The following RBFOX1 variants were observed in gnomAD, a reference collection of about 807,000 sequenced individuals.
The protein encoded by RBFOX1 is RNA binding fox-1 homolog 1.
Under a neutral mutation model 57.7 loss-of-function variants are expected in RBFOX1, and 8 were observed. The observed-to-expected ratio is 0.14, with a 90% confidence interval of 0.08 to 0.25. The LOEUF (loss-of-function observed/expected upper bound fraction) is 0.25. RBFOX1 is among the 10% of genes least tolerant of loss of function. The probability of loss-of-function intolerance (pLI) is 1.00; values close to 1 mark genes in which losing one functional copy is unlikely to be tolerated. For synonymous variants in RBFOX1, 326 were observed against 222.4 expected, an observed-to-expected ratio of 1.47 and a Z score of -4.15; for missense variants, 611 against 548.5, an observed-to-expected ratio of 1.11 and a Z score of -1.14.
At chr16:5,539,704 C>G (rs909190835) in intron 2 of RBFOX1, among the ~76,000 whole-genome samples, 2 of 152,130 alleles carry the variant, frequency 1.3e-5, no homozygotes, top group Non-Finnish European at 2.9e-5. Context: ...AGAATTTTTT[C>G]CCGTTTTTCA....
chr16:6,337,368 ACCGC>A (rs1411115329), intron 2 of RBFOX1, among the ~76,000 whole-genome samples: 1 of 152,158 alleles, frequency 6.6e-6, no homozygotes, highest in African/African-American at 2.4e-5. Context: ...AATTTGAATC[ACCGC>A]CATCAACCTG....
intron 2 of RBFOX1, among the ~76,000 whole-genome samples, chr16:6,573,018 G>C (rs1233749118): frequency 1.3e-5 from 2 of 152,124 alleles, no homozygotes; most frequent in Non-Finnish European, 2.9e-5. Context: ...ACTCTATTAA[G>C]AGATCAAGTC....
At chr16:7,022,512 G>T (rs1035251218) in intron 3 of RBFOX1, among the ~76,000 whole-genome samples, 2 of 152,050 alleles carry the variant, frequency 1.3e-5, no homozygotes, top group African/African-American at 4.8e-5. Context: ...TTATACTCCA[G>T]ATTCCCTGTG....
chr16:7,552,048 C>T (rs186184588), intron 5 of RBFOX1, among the ~76,000 whole-genome samples: 2 of 152,304 alleles, frequency 1.3e-5, no homozygotes, highest in African/African-American at 4.8e-5. Flanking sequence ...CCCCTCCCCA[C>T]AATTGTATAA....
At chr16:6,767,926 T>TAAG (rs1266863896) in intron 3 of RBFOX1, among the ~76,000 whole-genome samples, 142 of 76,398 alleles carry the variant, frequency 1.9e-3, no homozygotes, top group African/African-American at 8.6e-3. Flanking sequence ...ATAATAATAA[T>TAAG]AATAATAATA....
chr16:6,246,397 C>A (rs928898152), intron 1 of RBFOX1, among the ~76,000 whole-genome samples: 1 of 152,156 alleles, frequency 6.6e-6, no homozygotes, highest in Non-Finnish European at 1.5e-5. Context: ...ATCATGATCT[C>A]CCCTTTCCCC....
chr16:7,023,854 T>G (rs2153679306), intron 3 of RBFOX1, among the ~76,000 whole-genome samples: 1 of 152,248 alleles, frequency 6.6e-6, no homozygotes, highest in African/African-American at 2.4e-5. Flanking sequence ...TTATTCATCA[T>G]CCCTATATAT....
intron 1 of RBFOX1, among the ~76,000 whole-genome samples, chr16:6,153,017 G>A (rs182524640): frequency 1.4e-4 from 21 of 150,242 alleles, no homozygotes; most frequent in Admixed American, 1.1e-3. Flanking sequence ...TCTTAAAAGG[G>A]GCATAGTTAT....
At chr16:5,768,522 C>G in intron 3 of RBFOX1, among the ~76,000 whole-genome samples, 1 of 152,172 alleles carries the variant, frequency 6.6e-6, no homozygotes, top group East Asian at 1.9e-4. Context: ...ATGCAGAATA[C>G]CATTTTTCCA....
At chr16:6,906,920 C>T (rs1029124188) in intron 3 of RBFOX1, among the ~76,000 whole-genome samples, 12 of 152,068 alleles carry the variant, frequency 7.9e-5, no homozygotes, top group African/African-American at 2.2e-4. Flanking sequence ...GATGGGGTTT[C>T]ACCATGTTGG....
intron 11 of RBFOX1, among the ~76,000 whole-genome samples, chr16:7,648,378 C>T (rs2064194084): frequency 6.6e-6 from 1 of 152,060 alleles, no homozygotes; most frequent in Non-Finnish European, 1.5e-5. Context: ...ATGCATACCA[C>T]CACACCCAGC....
intron 1 of RBFOX1, among the ~76,000 whole-genome samples, chr16:6,285,968 C>T (rs150401376): frequency 1.1e-4 from 16 of 152,206 alleles, no homozygotes; most frequent in African/African-American, 3.1e-4. Context: ...GTCGGCGGAG[C>T]GTTATTTAGT....
intron 4 of RBFOX1, among the ~76,000 whole-genome samples, chr16:7,436,351 A>G (rs1413694459): frequency 2.0e-5 from 3 of 152,168 alleles, no homozygotes; most frequent in Non-Finnish European, 2.9e-5. Flanking sequence ...AACTTGGACA[A>G]ACGTGTTTGA....
intron 2 of RBFOX1, among the ~76,000 whole-genome samples, chr16:6,554,839 C>G (rs1025464196): frequency 1.3e-5 from 2 of 149,866 alleles, no homozygotes; most frequent in African/African-American, 5.1e-5. Context: ...CACAGACTCT[C>G]CCTCTCACTC....
intron 1 of RBFOX1, among the ~76,000 whole-genome samples, chr16:6,034,052 T>TGGCCAGGCGCGGTGG (rs2095327993): frequency 6.6e-6 from 1 of 152,004 alleles, no homozygotes; most frequent in Non-Finnish European, 1.5e-5. Context: ...TAGGAATCGT[T>TGGCCAGGCGCGGTGG]GGCCAGGCGC....
chr16:5,540,765 T>A (rs553774486), intron 2 of RBFOX1, among the ~76,000 whole-genome samples: 3 of 152,322 alleles, frequency 2.0e-5, no homozygotes, highest in South Asian at 2.1e-4. Flanking sequence ...ACTAGCAGCG[T>A]CAGAATCACC....
chr16:5,314,469 G>T (rs937024562), intron 1 of RBFOX1, among the ~76,000 whole-genome samples: 2 of 152,190 alleles, frequency 1.3e-5, no homozygotes, highest in Non-Finnish European at 2.9e-5. Flanking sequence ...CAGGCACAGT[G>T]ACTCATGAAA....
At chr16:6,787,589 C>A (rs972516378) in intron 3 of RBFOX1, among the ~76,000 whole-genome samples, 1 of 152,080 alleles carries the variant, frequency 6.6e-6, no homozygotes, top group East Asian at 1.9e-4. Flanking sequence ...CTGTGACACC[C>A]TTCACAGTCT....
At chr16:5,630,479 G>A (rs2048472495) in intron 3 of RBFOX1, among the ~76,000 whole-genome samples, 1 of 151,984 alleles carries the variant, frequency 6.6e-6, no homozygotes, top group Non-Finnish European at 1.5e-5. Flanking sequence ...AGAAAAAAAG[G>A]AGAAAACTTT....
Sources: allele counts gnomAD v4.1 joint callset (sites outside exome capture counted in the v4.1 genomes callset), GRCh38; gene constraint gnomAD v4.1.1; transcripts MANE v1.5; gene names NCBI Gene and HGNC (gene_info 2026-07-23, HGNC 2026-07-21).